The following THRB variants were observed in gnomAD, a reference collection of about 807,000 sequenced individuals.
THRB encodes thyroid hormone receptor beta, also known as nuclear receptor subfamily 1 group A member 2.
A neutral mutation model predicts 47.8 loss-of-function variants in THRB; 12 were observed. The observed-to-expected ratio is 0.25, with a 90% CI of 0.16 to 0.41. The LOEUF (loss-of-function observed/expected upper bound fraction) is 0.41. THRB is among the 10% of genes least tolerant of loss of function. The probability of loss-of-function intolerance (pLI) is 1.00; values close to 1 mark genes in which losing one functional copy is unlikely to be tolerated. For missense variants in THRB, 348 were observed against 589.2 expected, an observed-to-expected ratio of 0.59 and a Z score of 4.24; for synonymous variants, 218 against 212.2, an observed-to-expected ratio of 1.03 and a Z score of -0.24.
At chr3:24,297,614 G>A (rs2056556465) in intron 2 of THRB, among the ~76,000 whole-genome samples, 1 of 152,256 alleles carries the variant, frequency 6.6e-6, no homozygotes, top group South Asian at 2.1e-4. Context: ...GATGCTGGCG[G>A]CTTCGTCTTG....
chr3:24,304,924 A>G (rs1576691915), intron 2 of THRB, among the ~76,000 whole-genome samples: 1 of 152,192 alleles, frequency 6.6e-6, no homozygotes, highest in African/African-American at 2.4e-5. Context: ...TTCTTAGCAA[A>G]ACAGAAATTA....
chr3:24,390,670 G>T (rs1198403255), intron 1 of THRB, among the ~76,000 whole-genome samples: 1 of 151,718 alleles, frequency 6.6e-6, no homozygotes, highest in African/African-American at 2.4e-5. Flanking sequence ...CAGGTTCAAG[G>T]TTCAAAGAAA....
At chr3:24,341,402 T>A (rs1402945585) in intron 1 of THRB, among the ~76,000 whole-genome samples, 7 of 151,898 alleles carry the variant, frequency 4.6e-5, no homozygotes, top group Non-Finnish European at 7.4e-5. Flanking sequence ...AGCTAATTTT[T>A]ATATTTTTGT....
chr3:24,198,705 A>G (rs796653329), intron 4 of THRB, among the ~76,000 whole-genome samples: 104 of 152,044 alleles, frequency 6.8e-4, no homozygotes, highest in African/African-American at 2.4e-3. Flanking sequence ...TGCAATCATG[A>G]TCATTTCTGA....
At chr3:24,201,745 T>C (rs2044620730) in intron 4 of THRB, among the ~76,000 whole-genome samples, 1 of 152,242 alleles carries the variant, frequency 6.6e-6, no homozygotes, top group Non-Finnish European at 1.5e-5. Context: ...TTGATGTCTT[T>C]ATTTCCTAAG....
intron 7 of THRB, chr3:24,144,172 C>T (rs764265332): frequency 4.8e-5 from 9 of 189,006 alleles, no homozygotes; most frequent in East Asian, 3.7e-4. Flanking sequence ...AAAAAAGAAA[C>T]GTTATGGAGC....
intron 2 of THRB, among the ~76,000 whole-genome samples, chr3:24,313,110 G>T (rs576914768): frequency 7.2e-5 from 11 of 152,160 alleles, no homozygotes; most frequent in African/African-American, 2.6e-4. Context: ...AAATACCTGG[G>T]TGAATGGTGC....
At chr3:24,332,119 G>A (rs571590841) in intron 2 of THRB, among the ~76,000 whole-genome samples, 2 of 152,316 alleles carry the variant, frequency 1.3e-5, no homozygotes, top group Non-Finnish European at 2.9e-5. Flanking sequence ...GTAGATAGAA[G>A]TTGCTTGATG....
chr3:24,136,584 G>A (rs2148930186), intron 8 of THRB, among the ~76,000 whole-genome samples: 1 of 152,248 alleles, frequency 6.6e-6, no homozygotes, highest in East Asian at 1.9e-4. Context: ...TCTTATTATA[G>A]CTAATAGCCT....
At chr3:24,231,393 A>T (rs189174588) in intron 3 of THRB, among the ~76,000 whole-genome samples, 45 of 152,228 alleles carry the variant, frequency 3.0e-4, no homozygotes, top group Non-Finnish European at 5.1e-4. Flanking sequence ...GAATGGAAAA[A>T]ATCTTAATTC....
intron 1 of THRB, 28 bp from the exon 2 acceptor site, chr3:24,337,399 A>G (rs1011640989): frequency 1.3e-5 from 2 of 152,208 alleles, no homozygotes; most frequent in Non-Finnish European, 2.9e-5. Context: ...CAGAAGATAA[A>G]TATAATTTGT....
intron 1 of THRB, among the ~76,000 whole-genome samples, chr3:24,444,023 A>AT (rs533948829): frequency 2.6e-3 from 397 of 152,228 alleles, no homozygotes; most frequent in African/African-American, 8.9e-3. Context: ...TCCAAAACCC[A>AT]TTTTTTTAAT....
At chr3:24,214,712 A>C (rs2046391746) in intron 4 of THRB, among the ~76,000 whole-genome samples, 3 of 152,154 alleles carry the variant, frequency 2.0e-5, no homozygotes, top group Admixed American at 2.0e-4. Context: ...TCTGGTCCTC[A>C]GGAAGCCTGC....
intron 2 of THRB, among the ~76,000 whole-genome samples, chr3:24,327,363 T>C (rs1451054409): frequency 1.3e-5 from 2 of 152,138 alleles, no homozygotes; most frequent in Non-Finnish European, 2.9e-5. Context: ...TGTAAGAGTA[T>C]TGGGAAATCC....
intron 3 of THRB, among the ~76,000 whole-genome samples, chr3:24,262,261 C>G (rs569175584): frequency 1.3e-5 from 2 of 152,160 alleles, no homozygotes; most frequent in East Asian, 3.9e-4. Flanking sequence ...TTACTGTTAT[C>G]ATCTCTCACC....
intron 1 of THRB, among the ~76,000 whole-genome samples, chr3:24,373,162 AC>A (rs1011850391): frequency 6.6e-6 from 1 of 152,032 alleles, no homozygotes; most frequent in Non-Finnish European, 1.5e-5. Flanking sequence ...AAGTTAGAAA[AC>A]CCCAACAAAG....
At chr3:24,268,190 C>T (rs1003003564) in intron 3 of THRB, among the ~76,000 whole-genome samples, 9 of 151,928 alleles carry the variant, frequency 5.9e-5, no homozygotes, top group African/African-American at 2.2e-4. Flanking sequence ...ATTAAGGCAC[C>T]CCTCAGTGAT....
At chr3:24,281,499 A>T (rs949462313) in intron 3 of THRB, among the ~76,000 whole-genome samples, 2 of 152,136 alleles carry the variant, frequency 1.3e-5, no homozygotes, top group South Asian at 4.2e-4. Context: ...TGTAAAGACC[A>T]TCGAGACTAG....
intron 6 of THRB, among the ~76,000 whole-genome samples, chr3:24,148,589 T>C (rs1271517091): frequency 6.6e-6 from 1 of 152,220 alleles, no homozygotes; most frequent in African/African-American, 2.4e-5. Context: ...GGATGTCTTC[T>C]GCTAAGGCCT....
Sources: allele counts gnomAD v4.1 joint callset (sites outside exome capture counted in the v4.1 genomes callset), GRCh38; gene constraint gnomAD v4.1.1; transcripts MANE v1.5; gene names NCBI Gene and HGNC (gene_info 2026-07-23, HGNC 2026-07-21).